The following SHISA9 variants were observed in gnomAD, a reference collection of about 807,000 sequenced individuals.
The protein encoded by SHISA9 is shisa family member 9.
In SHISA9, 13 loss-of-function variants were observed where a neutral mutation model predicts 38.0. The observed-to-expected ratio is 0.34, with a 90% CI of 0.22 to 0.54. The LOEUF is 0.54. Among genes scored for constraint, SHISA9 ranks in the 20% least tolerant of loss-of-function variants. SHISA9 has a pLI of 0.91. For missense variants in SHISA9, 538 were observed against 575.8 expected, an observed-to-expected ratio of 0.93 and a Z score of 0.67; for synonymous variants, 275 against 242.0, an observed-to-expected ratio of 1.14 and a Z score of -1.27.
At chr16:13,429,012 C>T in the SHISA9 span, among the ~76,000 whole-genome samples, 1 of 152,060 alleles carries the variant, frequency 6.6e-6, no homozygotes, top group Non-Finnish European at 1.5e-5. Flanking sequence ...AGTTATCTGC[C>T]CGCCTCAGCC....
chr16:13,103,560 C>T (rs775931327), intron 2 of SHISA9, among the ~76,000 whole-genome samples: 2 of 152,092 alleles, frequency 1.3e-5, no homozygotes, highest in Admixed American at 6.5e-5. Flanking sequence ...AGTAACCCAA[C>T]CTGCCTAGGC....
At chr16:12,956,624 A>G (rs2071838569) in intron 2 of SHISA9, among the ~76,000 whole-genome samples, 1 of 152,216 alleles carries the variant, frequency 6.6e-6, no homozygotes, top group South Asian at 2.1e-4. Context: ...TAACTCAGAA[A>G]CGGAAAATCA....
At chr16:13,289,395 G>T in the SHISA9 span, among the ~76,000 whole-genome samples, 1 of 152,028 alleles carries the variant, frequency 6.6e-6, no homozygotes, top group Admixed American at 6.6e-5. Flanking sequence ...CAGGGTTGGG[G>T]GGTGCTGATG....
At chr16:13,536,048 G>C in the SHISA9 span, among the ~76,000 whole-genome samples, 2 of 151,414 alleles carry the variant, frequency 1.3e-5, no homozygotes, top group African/African-American at 4.9e-5. Context: ...ACCTAGGCTG[G>C]AGTTCAATGG....
chr16:13,380,220 A>C, the SHISA9 span, among the ~76,000 whole-genome samples: 15 of 152,130 alleles, frequency 9.9e-5, no homozygotes, highest in Non-Finnish European at 1.9e-4. Flanking sequence ...TAAAAGAAAA[A>C]ATTCCGGGTT....
chr16:13,133,602 T>C (rs2050323604), intron 2 of SHISA9, among the ~76,000 whole-genome samples: 1 of 152,194 alleles, frequency 6.6e-6, no homozygotes, highest in Non-Finnish European at 1.5e-5. Flanking sequence ...GACTATTTTC[T>C]TCCTTTCCTG....
At chr16:13,003,886 T>TAAG (rs758652679) in intron 2 of SHISA9, among the ~76,000 whole-genome samples, 3,787 of 145,988 alleles carry the variant, frequency 0.026, 67 homozygotes, top group South Asian at 0.045. Context: ...ATAATAATAA[T>TAAG]AATAAGAAGA....
chr16:13,423,034 C>T, the SHISA9 span, among the ~76,000 whole-genome samples: 1 of 152,216 alleles, frequency 6.6e-6, no homozygotes, highest in Non-Finnish European at 1.5e-5. Context: ...TGGTCTTGCA[C>T]AAATAATTTA....
At chr16:13,306,565 G>C in the SHISA9 span, among the ~76,000 whole-genome samples, 17 of 152,206 alleles carry the variant, frequency 1.1e-4, no homozygotes, top group African/African-American at 4.1e-4. Context: ...TTGCCATCAA[G>C]ATATTGGTCA....
chr16:12,974,982 A>C (rs900796251), intron 2 of SHISA9, among the ~76,000 whole-genome samples: 3 of 152,174 alleles, frequency 2.0e-5, no homozygotes. Context: ...AGATTCCAGC[A>C]TTGGTACCTT....
At chr16:12,915,507 A>C (rs1353472639) in intron 1 of SHISA9, among the ~76,000 whole-genome samples, 1 of 152,204 alleles carries the variant, frequency 6.6e-6, no homozygotes, top group African/African-American at 2.4e-5. Context: ...GTGACCATCT[A>C]GATGGCCATA....
chr16:13,270,357 C>T, the SHISA9 span, among the ~76,000 whole-genome samples: 6 of 152,236 alleles, frequency 3.9e-5, no homozygotes, highest in African/African-American at 1.4e-4. Flanking sequence ...TGGGCACCTC[C>T]ACTGGAATTT....
intron 2 of SHISA9, among the ~76,000 whole-genome samples, chr16:13,093,728 A>T (rs1596643822): frequency 6.6e-6 from 1 of 151,096 alleles, no homozygotes; most frequent in Non-Finnish European, 1.5e-5. Flanking sequence ...CGCTTCGTTG[A>T]CCTCCCCAAT....
At chr16:13,096,281 C>T (rs2073826358) in intron 2 of SHISA9, among the ~76,000 whole-genome samples, 1 of 152,214 alleles carries the variant, frequency 6.6e-6, no homozygotes, top group African/African-American at 2.4e-5. Flanking sequence ...TGTACTTTGG[C>T]AAGGCCCTCA....
chr16:13,399,400 C>A, the SHISA9 span, among the ~76,000 whole-genome samples: 2 of 152,108 alleles, frequency 1.3e-5, no homozygotes, highest in South Asian at 2.1e-4. Context: ...ACAAATGGAG[C>A]CAAATTAACA....
chr16:12,902,664 C>G, intron 1 of SHISA9, 37 bp downstream of exon 1: 1 of 1,501,588 alleles, frequency 6.7e-7, no homozygotes, highest in Non-Finnish European at 8.9e-7. Context: ...CTCGGGGCTT[C>G]GCTCTCCCTG....
chr16:13,269,807 G>C, the SHISA9 span, among the ~76,000 whole-genome samples: 1 of 152,134 alleles, frequency 6.6e-6, no homozygotes, highest in Non-Finnish European at 1.5e-5. Context: ...TCAGAGAGGT[G>C]ATATAACTTG....
At chr16:13,160,882 A>G (rs1160299662) in intron 2 of SHISA9, among the ~76,000 whole-genome samples, 1 of 152,222 alleles carries the variant, frequency 6.6e-6, no homozygotes. Context: ...CAAGAAATCA[A>G]CACTTTCCTT....
the SHISA9 span, among the ~76,000 whole-genome samples, chr16:13,411,359 A>G: frequency 6.6e-6 from 1 of 152,258 alleles, no homozygotes; most frequent in East Asian, 1.9e-4. Flanking sequence ...TCCTGGGCAG[A>G]GTAATGAACT....
Sources: allele counts gnomAD v4.1 joint callset (sites outside exome capture counted in the v4.1 genomes callset), GRCh38; gene constraint gnomAD v4.1.1; transcripts MANE v1.5; gene names NCBI Gene and HGNC (gene_info 2026-07-23, HGNC 2026-07-21).